Variants in TNFRSF8 observed in about 807,000 individuals in gnomAD.
TNFRSF8 encodes tumor necrosis factor receptor superfamily member 8.
A neutral mutation model predicts 70.8 loss-of-function variants in TNFRSF8; 26 were observed. That is an observed-to-expected ratio of 0.37 (90% CI 0.27 to 0.51). The LOEUF (loss-of-function observed/expected upper bound fraction) is 0.51, where lower values mean the gene tolerates loss of function less well. Ranked by LOEUF, TNFRSF8 falls within the 20% of genes least tolerant of loss-of-function variation. The pLI is 0.94. For missense variants in TNFRSF8, 720 were observed against 807.9 expected, an observed-to-expected ratio of 0.89 and a Z score of 1.32; for synonymous variants, 356 against 339.2, an observed-to-expected ratio of 1.05 and a Z score of -0.54.
At chr1:12,067,024 G>A (rs933839572) in intron 1 of TNFRSF8, among the ~76,000 whole-genome samples, 2 of 152,200 alleles carry the variant, frequency 1.3e-5, no homozygotes, top group African/African-American at 4.8e-5. Context: ...TTCTGAGGCA[G>A]GAATGCTTTC....
chr1:12,107,456 G>A lies in TNFRSF8; in HGVS notation c.422-2110G>A, dbSNP rs145192504. On this transcript the variant is annotated intron_variant, in intron 4 of 14. Transcript: ENST00000263932. ...ATACGTCTGCATTGAGAAGTGCTGT[G>A]TGTACAATATGCACTGGATTTCGAA... Among the ~76,000 whole-genome samples the A allele has an allele frequency of 2.4e-3, 362 of 152,168 alleles. 5 individuals carry two copies. Among genetic ancestry groups the A allele is most frequent in the African/African-American group, 8.5e-3 (355 of 41,524 alleles).
intron 4 of TNFRSF8, among the ~76,000 whole-genome samples, chr1:12,106,554 G>C (rs933822231): frequency 6.6e-6 from 1 of 152,126 alleles, no homozygotes; most frequent in African/African-American, 2.4e-5. Context: ...CCCACTGCCT[G>C]ATCAAATGCT....
Position 12,109,983 on chromosome 1 carries a change from C to T in TNFRSF8, c.513-58C>T, listed in dbSNP as rs1019557234. ...CTGTGGAAACTGTTACTCGTGAGCA[C>T]AGGCCTCCCTTGCCCCATTGGCAGA... On this transcript the variant is annotated intron_variant, in intron 5 of 14. Coordinates refer to ENST00000263932, the MANE Select transcript of TNFRSF8 (RefSeq NM_001243.5). This position sits in a 1 kb window ranked among gnomAD's most constrained non-coding sequence, Gnocchi z 4.4. 1.9e-6 allele frequency: 3 copies of T among 1,577,758 alleles called. No individual in the cohort carries two copies. Among genetic ancestry groups the T allele is most frequent in the Admixed American group, 3.5e-5 (2 of 56,810 alleles).
intron 1 of TNFRSF8, among the ~76,000 whole-genome samples, chr1:12,070,456 G>A (rs747228033): frequency 2.0e-5 from 3 of 152,016 alleles, no homozygotes; most frequent in Non-Finnish European, 4.4e-5. Context: ...GGGTTTCACC[G>A]TGTCAGCCAG....
intron 12 of TNFRSF8, among the ~76,000 whole-genome samples, chr1:12,134,007 T>C (rs1281834277): frequency 6.6e-6 from 1 of 152,148 alleles, no homozygotes; most frequent in Non-Finnish European, 1.5e-5. Flanking sequence ...GCCACTGCAC[T>C]CCAGCCTGGG....
intron 12 of TNFRSF8, among the ~76,000 whole-genome samples, chr1:12,129,490 C>T (rs1330572186): frequency 6.6e-6 from 1 of 152,192 alleles, no homozygotes; most frequent in Non-Finnish European, 1.5e-5. Flanking sequence ...CAGAGGACTC[C>T]AGCTCAGGGC....
At chr1:12,132,886 CCTT>C (rs1472483117) in intron 12 of TNFRSF8, among the ~76,000 whole-genome samples, 2 of 150,410 alleles carry the variant, frequency 1.3e-5, no homozygotes, top group Non-Finnish European at 3.0e-5. Flanking sequence ...CCACTGGGCA[CCTT>C]CACTTTTGAT....
chr1:12,113,145 G>T lies in TNFRSF8; in HGVS notation c.793+1131G>T, dbSNP rs1450676063. 2.0e-5 allele frequency among the ~76,000 whole-genome samples: 3 copies of T among 152,204 alleles called. No homozygotes were observed. The highest frequency in any genetic ancestry group is 4.4e-5 in the Non-Finnish European group (3 of 68,042). ...TTGTCTCTGCTCCACAATGTCTGAG[G>T]TCTTAGCTGGAAAGCCCAAAAGCTG... On this transcript the variant is annotated intron_variant, in intron 7 of 14. Coordinates refer to ENST00000263932, the MANE Select transcript of TNFRSF8 (RefSeq NM_001243.5). This position sits in a 1 kb window ranked among gnomAD's most constrained non-coding sequence, Gnocchi z 4.9.
chr1:12,102,146 G>A (rs1641434488), intron 3 of TNFRSF8, among the ~76,000 whole-genome samples: 1 of 152,128 alleles, frequency 6.6e-6, no homozygotes, highest in South Asian at 2.1e-4. Context: ...CTTGGCGCTG[G>A]TTTTCCTCTG....
chr1:12,135,737 C>A, intron 13 of TNFRSF8, 124 bp downstream of exon 13: 2 of 1,360,664 alleles, frequency 1.5e-6, no homozygotes, highest in Non-Finnish European at 1.0e-6. Context: ...CTGGCCATTC[C>A]CCTCCCACAG....
Position 12,126,249 on chromosome 1 carries a change from C to T in TNFRSF8, c.1309+13C>T, listed in dbSNP as rs765292946. 6.2e-6 allele frequency: 10 copies of T among 1,613,962 alleles called. No individual in the cohort carries two copies. The highest frequency in any genetic ancestry group is 1.3e-5 in the African/African-American group (1 of 74,910). Reference sequence around the variant, plus strand: ...CTAGAGCTTGTGGGTGAGTGTCCAGCCGTCCAAAGGGGCTGCCCGAGCCAG... The same window carrying T: ...CTAGAGCTTGTGGGTGAGTGTCCAGTCGTCCAAAGGGGCTGCCCGAGCCAG... On this transcript the variant is annotated intron_variant, in intron 12 of 14. Coordinates refer to ENST00000263932, the MANE Select transcript of TNFRSF8 (RefSeq NM_001243.5).
chr1:12,116,260 C>G (rs1452188279), intron 8 of TNFRSF8, among the ~76,000 whole-genome samples: 1 of 152,028 alleles, frequency 6.6e-6, no homozygotes, highest in African/African-American at 2.4e-5. Context: ...GGATTACAGG[C>G]CTGAGCCACC....
intron 9 of TNFRSF8, 120 bp from the exon 10 acceptor site, chr1:12,123,595 G>C (rs1430614432): frequency 9.9e-7 from 1 of 1,008,096 alleles, no homozygotes; most frequent in Admixed American, 2.4e-5. Flanking sequence ...AGAGACTCGG[G>C]GCAGAGGATC....
intron 1 of TNFRSF8, among the ~76,000 whole-genome samples, chr1:12,065,370 A>C (rs985906404): frequency 3.9e-5 from 6 of 152,202 alleles, no homozygotes; most frequent in Middle Eastern, 3.2e-3. Flanking sequence ...GGCATGAGCC[A>C]CCACACCCAG....
At chr1:12,122,102 G>A (rs1641839619) in intron 8 of TNFRSF8, among the ~76,000 whole-genome samples, 1 of 152,110 alleles carries the variant, frequency 6.6e-6, no homozygotes, top group South Asian at 2.1e-4. Flanking sequence ...GGAACCTTCT[G>A]GAGGGATGAG....
At chr1:12,115,133 C>T (rs1013083355) in intron 7 of TNFRSF8, among the ~76,000 whole-genome samples, 4 of 152,222 alleles carry the variant, frequency 2.6e-5, no homozygotes, top group Non-Finnish European at 5.9e-5. Context: ...CCTCTGCACC[C>T]ATGCCCGCTC....
chr1:12,124,715 A>T (rs564267363), intron 10 of TNFRSF8, among the ~76,000 whole-genome samples: 1 of 152,100 alleles, frequency 6.6e-6, no homozygotes, highest in Non-Finnish European at 1.5e-5. Flanking sequence ...CCAGCTACTC[A>T]GGAGGCTGAG....
intron 2 of TNFRSF8, among the ~76,000 whole-genome samples, chr1:12,087,357 G>C (rs6675841): frequency 2.0e-5 from 3 of 151,618 alleles, no homozygotes; most frequent in Non-Finnish European, 4.4e-5. Context: ...TAGTAGAGAT[G>C]GGGTTTCACC....
chr1:12,094,814 C>T lies in TNFRSF8; in HGVS notation c.152-2287C>T, dbSNP rs539129027. 4.0e-5 allele frequency among the ~76,000 whole-genome samples: 6 copies of T among 151,816 alleles called. No individual in the cohort carries two copies. In the East Asian group the frequency reaches 9.7e-4, roughly 25 times the overall value. Reference sequence around the variant, plus strand: ...CTAATTTTTGTATTTTTAGTAGAGACGGGGTTTCACCATGTTGGCCAGGCT... The same window carrying T: ...CTAATTTTTGTATTTTTAGTAGAGATGGGGTTTCACCATGTTGGCCAGGCT... On this transcript the variant is annotated intron_variant, in intron 2 of 14. Coordinates refer to ENST00000263932, the MANE Select transcript of TNFRSF8 (RefSeq NM_001243.5).
Sources: allele counts gnomAD v4.1 joint callset (sites outside exome capture counted in the v4.1 genomes callset), GRCh38; gene constraint gnomAD v4.1.1; non-coding constraint Gnocchi (gnomAD v3.1); transcripts MANE v1.5; gene names NCBI Gene and HGNC (gene_info 2026-07-23, HGNC 2026-07-21).